EML6: variants seen among roughly 807,000 people sequenced by gnomAD.
The protein encoded by EML6 is echinoderm microtubule-associated protein-like 6.
EML6 carries 154 observed loss-of-function variants against 240.1 expected under a neutral mutation model. That is an observed-to-expected ratio of 0.64 (90% CI 0.56 to 0.73). EML6 has a LOEUF of 0.73. Among genes scored for constraint, EML6 ranks in the 30% least tolerant of loss-of-function variants. The probability of loss-of-function intolerance (pLI) is 0.00; values close to 1 mark genes in which losing one functional copy is unlikely to be tolerated. For missense variants in EML6, 2,964 were observed against 2,474.6 expected, an observed-to-expected ratio of 1.20 and a Z score of -4.20; for synonymous variants, 1,148 against 899.0, an observed-to-expected ratio of 1.28 and a Z score of -4.95.
chr2:54,839,418 A>T (rs1296393164), intron 7 of EML6, among the ~76,000 whole-genome samples: 1 of 152,224 alleles, frequency 6.6e-6, no homozygotes, highest in Non-Finnish European at 1.5e-5. Flanking sequence ...CATGAGATTG[A>T]CTTGTCTGAT....
At chr2:54,865,024 A>C (rs543315606) in intron 13 of EML6, among the ~76,000 whole-genome samples, 189 of 152,358 alleles carry the variant, frequency 1.2e-3, no homozygotes, top group Middle Eastern at 3.4e-3. Context: ...TACAACCCTG[A>C]ACGTAGTCAA....
At chr2:54,811,027 C>T (rs559947754) in intron 2 of EML6, among the ~76,000 whole-genome samples, 39 of 152,258 alleles carry the variant, frequency 2.6e-4, no homozygotes, top group Middle Eastern at 6.8e-3. Context: ...CAAGCTTGTC[C>T]TTGAGTCTCA....
At chr2:54,805,514 C>A (rs1271926291) in intron 2 of EML6, among the ~76,000 whole-genome samples, 1 of 152,130 alleles carries the variant, frequency 6.6e-6, no homozygotes, top group East Asian at 1.9e-4. Context: ...TTCAAGTCTT[C>A]CAGCATATTT....
intron 41 of EML6, 130 bp from the exon 42 acceptor site, chr2:54,969,941 C>T (rs951624723): frequency 7.5e-6 from 7 of 937,220 alleles, no homozygotes; most frequent in African/African-American, 6.5e-5. Context: ...CCTGGTTTAC[C>T]TTTTGAAGTC....
intron 2 of EML6, among the ~76,000 whole-genome samples, chr2:54,806,481 C>T (rs1467474965): frequency 6.6e-6 from 1 of 151,866 alleles, no homozygotes. Flanking sequence ...GGCGTGGTAG[C>T]ACGTGCCTGT....
rs1360440612 is a variant in EML6 at position 54,850,040 on chromosome 2, C to T, written c.1266C>T (p.Tyr422=). ...HEMKFSPDGS[Y]LAVGSNDGPV... is the part of the protein sequence containing the mutation. ...TGAAATTTTCTCCAGATGGTTCTTA[C>T]CTTGCAGTGGGATCCAATGATGGCC... The change falls in exon 10 of 42, where the codon TAC becomes TAT. Residue 422 remains tyrosine, a synonymous_variant. Coordinates refer to ENST00000356458, the MANE Select transcript of EML6 (RefSeq NM_001039753.4). The T allele has an allele frequency of 3.2e-6, 5 of 1,551,920 alleles. No individual in the cohort carries two copies. Among genetic ancestry groups the T allele is most frequent in the Middle Eastern group, 1.7e-4 (1 of 5,996 alleles).
At chr2:54,853,446 CT>C (rs1196247099) in intron 10 of EML6, among the ~76,000 whole-genome samples, 196 bp from the exon 11 acceptor site, 1 of 70,616 alleles carries the variant, frequency 1.4e-5, no homozygotes, top group Non-Finnish European at 2.4e-5. Context: ...TCATCATTTT[CT>C]TTTTAATGTC....
intron 25 of EML6, among the ~76,000 whole-genome samples, chr2:54,913,071 G>GTTTTTTTTTTTTTTTTTTTTTTT (rs1216432893): frequency 8.0e-6 from 1 of 125,730 alleles, no homozygotes. Flanking sequence ...GCCAGATTCT[G>GTTTTTTTTTTTTTTTTTTTTTTT]TTTTTTTTTT....
chr2:54,899,072 A>T (rs1182503486), intron 21 of EML6, among the ~76,000 whole-genome samples: 1 of 152,212 alleles, frequency 6.6e-6, no homozygotes, highest in African/African-American at 2.4e-5. Context: ...AACCTGGGCT[A>T]CACCGAGGAC....
At chr2:54,882,935 C>G (rs1003387004) in intron 17 of EML6, 1 of 149,006 alleles carries the variant, frequency 6.7e-6, no homozygotes, top group Non-Finnish European at 1.5e-5. Flanking sequence ...TCCAAGTAAG[C>G]ACTTCTGTAT....
chr2:54,889,159 A>C (rs981239883), intron 17 of EML6, among the ~76,000 whole-genome samples: 3 of 152,146 alleles, frequency 2.0e-5, no homozygotes, highest in African/African-American at 7.2e-5. Context: ...TTGTCAGTCA[A>C]CTCATACACA....
intron 13 of EML6, among the ~76,000 whole-genome samples, chr2:54,865,335 AACT>A (rs1162783235): frequency 6.6e-6 from 1 of 151,102 alleles, no homozygotes; most frequent in African/African-American, 2.4e-5. Flanking sequence ...AAAAAAAAAA[AACT>A]GCTGGGCATT....
chr2:54,866,823 G>C lies in EML6; in HGVS notation c.1990G>C (p.Val664Leu), dbSNP rs1385999800. The C allele has an allele frequency of 6.4e-7, 1 of 1,551,146 alleles. No homozygotes were observed. The highest frequency in any genetic ancestry group is 8.7e-7 in the Non-Finnish European group (1 of 1,146,676). Reference sequence around the variant, plus strand: ...ACAAAGTAAAGAGAAAAACCACGCAGTGCCCTTCCTCAAACGAGAAAAGGC... The same window carrying C: ...ACAAAGTAAAGAGAAAAACCACGCACTGCCCTTCCTCAAACGAGAAAAGGC... ...KQQSKEKNHA[V>L]PFLKREKAPE... Residue 664 changes from valine to leucine, a missense_variant, in exon 14 of 42, where the codon GTG becomes CTG. Coordinates refer to ENST00000356458, the MANE Select transcript of EML6 (RefSeq NM_001039753.4).
chr2:54,933,765 C>G (rs888552803), intron 28 of EML6, among the ~76,000 whole-genome samples: 13 of 151,930 alleles, frequency 8.6e-5, no homozygotes, highest in African/African-American at 1.5e-4. Flanking sequence ...CTAAAAACCC[C>G]CACTATCCTA....
intron 2 of EML6, among the ~76,000 whole-genome samples, chr2:54,802,617 C>CCT (rs1670215638): frequency 1.9e-5 from 2 of 106,436 alleles, no homozygotes; most frequent in Non-Finnish European, 3.8e-5. Context: ...GACCCTGTCT[C>CCT]ATACTACTAC....
intron 2 of EML6, among the ~76,000 whole-genome samples, chr2:54,795,583 T>C (rs1669719473): frequency 6.6e-6 from 1 of 152,200 alleles, no homozygotes; most frequent in African/African-American, 2.4e-5. Context: ...ATCCTGCCAC[T>C]GCCAGCAAGG....
chr2:54,894,150 G>T (rs969768762), intron 19 of EML6, among the ~76,000 whole-genome samples: 2 of 151,356 alleles, frequency 1.3e-5, no homozygotes, highest in African/African-American at 4.9e-5. Context: ...TCATAAAAAT[G>T]CATTAAATTA....
intron 2 of EML6, among the ~76,000 whole-genome samples, chr2:54,760,822 ATTTTTTTTTTTT>A (rs200476039): frequency 8.3e-6 from 1 of 120,406 alleles, no homozygotes; most frequent in Non-Finnish European, 1.7e-5. Context: ...TTGAGGGAGC[ATTTTTTTTTTTT>A]TTTTTTTTTT....
intron 32 of EML6, among the ~76,000 whole-genome samples, chr2:54,957,009 T>G (rs1404591542): frequency 2.6e-5 from 4 of 152,198 alleles, no homozygotes; most frequent in Non-Finnish European, 4.4e-5. Context: ...CTACTAATAC[T>G]GGCTAACACA....
Sources: gnomAD v4.1 joint callset for allele counts (sites outside exome capture counted in the v4.1 genomes callset) on GRCh38, gnomAD v4.1.1 for gene constraint, MANE v1.5 for transcripts, NCBI Gene and HGNC (gene_info 2026-07-23, HGNC 2026-07-21) for gene names.